Variants in GRID1 observed in about 807,000 individuals in gnomAD.
GRID1 encodes the protein glutamate receptor ionotropic, delta-1.
Under a neutral mutation model 98.0 loss-of-function variants are expected in GRID1, and 28 were observed. The ratio of observed to expected loss-of-function variants is 0.29; its 90% CI spans 0.21 to 0.39. The LOEUF is 0.39. Ranked by LOEUF, GRID1 falls within the 10% of genes least tolerant of loss-of-function variation. The pLI, the probability that GRID1 is intolerant of heterozygous loss-of-function variation, is 1.00. For missense variants in GRID1, 1,111 were observed against 1,340.5 expected (o/e 0.83, Z 2.67); for synonymous variants, 553 against 538.5 (o/e 1.03, Z -0.37).
intron 4 of GRID1, among the ~76,000 whole-genome samples, chr10:86,132,609 G>C (rs61857784): frequency 0.17 from 26,207 of 152,194 alleles, 2,592 homozygotes; most frequent in Middle Eastern, 0.28. Context: ...TCCTAGCTCT[G>C]AGTGATAAAG....
chr10:85,789,901 T>C (rs1329565486), intron 8 of GRID1, among the ~76,000 whole-genome samples: 1 of 152,162 alleles, frequency 6.6e-6, no homozygotes, highest in African/African-American at 2.4e-5. Flanking sequence ...ACCCTCTGGC[T>C]TCCCCCAGGC....
intron 3 of GRID1, among the ~76,000 whole-genome samples, chr10:86,197,659 A>G (rs1415347047): frequency 2.6e-5 from 4 of 152,028 alleles, no homozygotes; most frequent in African/African-American, 4.8e-5. Flanking sequence ...ACCCAGCAGC[A>G]CACCGGGGCA....
intron 4 of GRID1, among the ~76,000 whole-genome samples, chr10:86,084,336 G>A (rs866850163): frequency 5.9e-5 from 9 of 152,036 alleles, no homozygotes; most frequent in Non-Finnish European, 1.2e-4. Context: ...AAGGAGGGGA[G>A]GGAGAGAGGA....
chr10:86,214,692 G>A (rs1055589558), intron 2 of GRID1, among the ~76,000 whole-genome samples: 1 of 152,036 alleles, frequency 6.6e-6, no homozygotes, highest in Non-Finnish European at 1.5e-5. Context: ...GTGAAATCCT[G>A]TCTCTACTTA....
chr10:85,930,202 G>C (rs996862849), intron 4 of GRID1, among the ~76,000 whole-genome samples: 3 of 148,524 alleles, frequency 2.0e-5, no homozygotes, highest in Non-Finnish European at 3.0e-5. Flanking sequence ...AATAACTTGC[G>C]GTTATTTTTA....
At chr10:85,781,563 T>C (rs547911959) in intron 8 of GRID1, among the ~76,000 whole-genome samples, 16 of 152,344 alleles carry the variant, frequency 1.1e-4, no homozygotes, top group Non-Finnish European at 2.1e-4. Context: ...GCCTGTGTGA[T>C]GCTGGAGCGT....
At chr10:85,672,758 C>G (rs186081372) in intron 12 of GRID1, among the ~76,000 whole-genome samples, 1 of 152,288 alleles carries the variant, frequency 6.6e-6, no homozygotes, top group East Asian at 1.9e-4. Flanking sequence ...TGACAAGCAC[C>G]TGGCTACCCA....
At chr10:86,154,618 C>T (rs1005047066) in intron 3 of GRID1, among the ~76,000 whole-genome samples, 1 of 152,168 alleles carries the variant, frequency 6.6e-6, no homozygotes, top group African/African-American at 2.4e-5. Flanking sequence ...CTCCCAGGTC[C>T]AAGCATGGAG....
At chr10:86,003,748 A>G (rs1842827857) in intron 4 of GRID1, among the ~76,000 whole-genome samples, 2 of 152,256 alleles carry the variant, frequency 1.3e-5, no homozygotes, top group African/African-American at 4.8e-5. Flanking sequence ...AATGCACATT[A>G]TAAGGAGACA....
At chr10:85,893,325 G>T (rs1841232544) in intron 5 of GRID1, among the ~76,000 whole-genome samples, 1 of 152,086 alleles carries the variant, frequency 6.6e-6, no homozygotes, top group South Asian at 2.1e-4. Context: ...CAGGAAAAAG[G>T]CATAGATATC....
At chr10:86,303,507 A>G (rs1366294834) in intron 2 of GRID1, among the ~76,000 whole-genome samples, 1 of 152,204 alleles carries the variant, frequency 6.6e-6, no homozygotes, top group East Asian at 1.9e-4. Flanking sequence ...AGGGGAGAGC[A>G]TGCCTCTCTC....
chr10:86,237,805 G>A (rs1005798293), intron 2 of GRID1, among the ~76,000 whole-genome samples: 10 of 152,028 alleles, frequency 6.6e-5, no homozygotes, highest in Non-Finnish European at 1.5e-4. Context: ...ATGATCCTGA[G>A]GCCTACCTTA....
At chr10:85,699,211 C>A (rs1162113308) in intron 12 of GRID1, among the ~76,000 whole-genome samples, 2 of 152,034 alleles carry the variant, frequency 1.3e-5, no homozygotes, top group Admixed American at 6.6e-5. Flanking sequence ...CACCACCACA[C>A]CTGGCTAATT....
intron 4 of GRID1, among the ~76,000 whole-genome samples, chr10:86,015,524 G>C (rs1199229689): frequency 1.3e-5 from 2 of 152,220 alleles, no homozygotes; most frequent in East Asian, 3.8e-4. Flanking sequence ...AGCACTCTAA[G>C]AGAATATTGA....
Position 86,166,865 on chromosome 10 carries a change from C to T in GRID1, c.521-27841G>A, listed in dbSNP as rs55814209. 6.9e-3 allele frequency among the ~76,000 whole-genome samples: 1,044 copies of T among 152,356 alleles called. 7 individuals carry two copies. The highest frequency in any genetic ancestry group is 0.011 in the Non-Finnish European group (749 of 68,042). On this transcript the variant is annotated intron_variant, in intron 3 of 15. Transcript: ENST00000327946. ...CTGGCCCAAGTACCTCCTTACCTCC[C>T]AAACAGTTAAGCCAGAGCCAGGCCC...
chr10:85,764,231 G>T (rs2132701778), intron 8 of GRID1, among the ~76,000 whole-genome samples: 1 of 152,232 alleles, frequency 6.6e-6, no homozygotes, highest in South Asian at 2.1e-4. Flanking sequence ...TTCATTCTAG[G>T]CTGCCAAGCA....
In GRID1 at chr10:85,949,115, G is replaced by C. The variant is rs138731185; in HGVS notation, c.727-32876C>G. On this transcript the variant is annotated intron_variant, in intron 4 of 15. Coordinates refer to ENST00000327946, the MANE Select transcript of GRID1 (RefSeq NM_017551.3). ...TTCTCCCAGGAGGGTACTCTGACAG[G>C]TGTGGGGTGCGGGAGGGGAAGGGCA... 2.4e-3 allele frequency among the ~76,000 whole-genome samples: 359 copies of C among 152,280 alleles called. 6 individuals carry two copies. Among genetic ancestry groups the C allele is most frequent in the Non-Finnish European group, 7.5e-4 (51 of 68,004 alleles).
intron 2 of GRID1, among the ~76,000 whole-genome samples, chr10:86,354,960 C>A (rs988672729): frequency 6.6e-6 from 1 of 152,204 alleles, no homozygotes; most frequent in African/African-American, 2.4e-5. Context: ...ATCTCCCCCG[C>A]CCTAAGTGGG....
chr10:86,212,908 G>C (rs985726864), intron 2 of GRID1, among the ~76,000 whole-genome samples: 1 of 152,098 alleles, frequency 6.6e-6, no homozygotes, highest in African/African-American at 2.4e-5. Flanking sequence ...AAAATGGTGG[G>C]GGGATGGGTG....
Sources: allele counts gnomAD v4.1 joint callset (sites outside exome capture counted in the v4.1 genomes callset), GRCh38; gene constraint gnomAD v4.1.1; transcripts MANE v1.5; gene names NCBI Gene and HGNC (gene_info 2026-07-23, HGNC 2026-07-21).